The following GRK3 variants were observed in gnomAD, a reference collection of about 807,000 sequenced individuals.
The protein encoded by GRK3 is adrenergic, beta, receptor kinase 2.
GRK3 carries 54 observed loss-of-function variants against 95.7 expected under a neutral mutation model. That is an observed-to-expected ratio of 0.56 (90% CI 0.45 to 0.71). GRK3 has a LOEUF of 0.71. Ranked by LOEUF, GRK3 falls within the 30% of genes least tolerant of loss-of-function variation. The pLI is 0.00. For synonymous variants in GRK3, 281 were observed against 290.8 expected (o/e 0.97, Z 0.34); for missense variants, 649 against 851.2 (o/e 0.76, Z 2.96).
At chr22:25,648,540 A>T (rs879915842) in intron 3 of GRK3, 26 of 1,451,338 alleles carry the variant, frequency 1.8e-5, no homozygotes, top group Non-Finnish European at 2.4e-5. Context: ...AGGTACAATG[A>T]TGCCAGAAGC....
intron 3 of GRK3, among the ~76,000 whole-genome samples, chr22:25,654,860 A>G (rs1353632714): frequency 6.6e-6 from 1 of 151,618 alleles, no homozygotes; most frequent in Non-Finnish European, 1.5e-5. Flanking sequence ...AGCTCTTCTC[A>G]CCTCTCTTCT....
chr22:25,614,561 A>G (rs1195679264), intron 2 of GRK3, among the ~76,000 whole-genome samples: 2 of 152,218 alleles, frequency 1.3e-5, no homozygotes, highest in Non-Finnish European at 2.9e-5. Flanking sequence ...TGTGTACTAG[A>G]CACTTCAGTG....
chr22:25,703,998 G>T, intron 14 of GRK3, 111 bp from the exon 15 acceptor site: 1 of 725,746 alleles, frequency 1.4e-6, no homozygotes, highest in Admixed American at 2.9e-5. Context: ...TCATAATGAG[G>T]CTGCAATTTT....
At chr22:25,598,374 T>C (rs1162806168) in intron 1 of GRK3, among the ~76,000 whole-genome samples, 1 of 152,058 alleles carries the variant, frequency 6.6e-6, no homozygotes, top group East Asian at 1.9e-4. Flanking sequence ...TTCAGTGTTA[T>C]TAAGATGGCA....
chr22:25,627,064 T>C (rs1360959017), intron 2 of GRK3, among the ~76,000 whole-genome samples: 1 of 152,088 alleles, frequency 6.6e-6, no homozygotes, highest in Non-Finnish European at 1.5e-5. Context: ...ATAAGTGTCA[T>C]ATTGCAGAGT....
At chr22:25,642,676 A>G (rs1399644048) in intron 2 of GRK3, among the ~76,000 whole-genome samples, 2 of 152,018 alleles carry the variant, frequency 1.3e-5, no homozygotes, top group African/African-American at 4.8e-5. Context: ...GTCCATGTGT[A>G]CCCATTGTTT....
rs139248181 is a variant in GRK3 at position 25,710,558 on chromosome 22, C to T, written c.1396-510C>T. 4.3e-3 allele frequency among the ~76,000 whole-genome samples: 656 copies of T among 152,236 alleles called. 3 individuals carry two copies. Among genetic ancestry groups the T allele is most frequent in the Admixed American group, 0.013 (197 of 15,300 alleles). ...GATTATCAGCTTTAAACTTGCTTTG[C>T]GTGAACTCAAGCTGCAGAGAAATGA... On this transcript the variant is annotated intron_variant, in intron 16 of 20. Transcript: ENST00000324198.
chr22:25,638,601 G>A (rs1479852267), intron 2 of GRK3, among the ~76,000 whole-genome samples: 1 of 152,212 alleles, frequency 6.6e-6, no homozygotes, highest in Non-Finnish European at 1.5e-5. Flanking sequence ...TTGGGTTATA[G>A]TTTTCCCTTG....
intron 2 of GRK3, among the ~76,000 whole-genome samples, chr22:25,610,626 C>T (rs889576357): frequency 2.6e-5 from 4 of 152,192 alleles, no homozygotes; most frequent in African/African-American, 7.2e-5. Flanking sequence ...GCCCATTTGT[C>T]GTTACTCTGC....
chr22:25,670,474 C>G (rs566044210), intron 6 of GRK3, among the ~76,000 whole-genome samples: 1 of 152,052 alleles, frequency 6.6e-6, no homozygotes, highest in Admixed American at 6.5e-5. Flanking sequence ...GCACTCCGGC[C>G]TGGGACACAG....
intron 3 of GRK3, among the ~76,000 whole-genome samples, chr22:25,658,747 A>T (rs2084890102): frequency 6.6e-6 from 1 of 152,090 alleles, no homozygotes; most frequent in Non-Finnish European, 1.5e-5. Flanking sequence ...GATGAATTGG[A>T]TGTAGGGGGT....
chr22:25,657,046 G>A (rs1293610765), intron 3 of GRK3, among the ~76,000 whole-genome samples: 1 of 152,198 alleles, frequency 6.6e-6, no homozygotes, highest in South Asian at 2.1e-4. Context: ...TGGTCTGGTT[G>A]TACTGCATGA....
intron 9 of GRK3, among the ~76,000 whole-genome samples, chr22:25,679,603 A>T (rs936247611): frequency 6.6e-6 from 1 of 152,170 alleles, no homozygotes; most frequent in Admixed American, 6.5e-5. Context: ...CTCAGCTTTT[A>T]TGTGTCTGTA....
chr22:25,586,900 T>G (rs1932331877), intron 1 of GRK3, among the ~76,000 whole-genome samples: 1 of 122,738 alleles, frequency 8.1e-6, no homozygotes, highest in South Asian at 2.1e-4. Context: ...CTTGCAATCT[T>G]TTTTTTTTTT....
At chr22:25,588,954 A>G (rs1932408347) in intron 1 of GRK3, among the ~76,000 whole-genome samples, 1 of 151,818 alleles carries the variant, frequency 6.6e-6, no homozygotes, top group African/African-American at 2.4e-5. Flanking sequence ...TTGTTTTTGT[A>G]GAGAGGGGTT....
chr22:25,629,444 C>T (rs1402580321), intron 2 of GRK3, among the ~76,000 whole-genome samples: 1 of 152,210 alleles, frequency 6.6e-6, no homozygotes, highest in African/African-American at 2.4e-5. Context: ...ACCACCATCA[C>T]CCCAAAGGCA....
intron 3 of GRK3, among the ~76,000 whole-genome samples, chr22:25,651,932 C>T (rs1323922223): frequency 6.6e-6 from 1 of 152,136 alleles, no homozygotes; most frequent in Non-Finnish European, 1.5e-5. Context: ...AAACAGCCTT[C>T]TAGCACACTT....
intron 13 of GRK3, among the ~76,000 whole-genome samples, chr22:25,701,949 T>A (rs769422503): frequency 2.3e-4 from 35 of 152,216 alleles, no homozygotes; most frequent in Non-Finnish European, 3.4e-4. Context: ...TAACAGATAT[T>A]GTTTGCTTTT....
At chr22:25,602,266 A>G (rs975414434) in intron 1 of GRK3, among the ~76,000 whole-genome samples, 10 of 152,346 alleles carry the variant, frequency 6.6e-5, no homozygotes, top group Admixed American at 3.9e-4. Context: ...ACAAAGTACA[A>G]TAAAATACTA....
Sources: gnomAD v4.1 joint callset for allele counts (sites outside exome capture counted in the v4.1 genomes callset) on GRCh38, gnomAD v4.1.1 for gene constraint, MANE v1.5 for transcripts, NCBI Gene and HGNC (gene_info 2026-07-23, HGNC 2026-07-21) for gene names.